Variants in ARHGEF38 observed in about 807,000 individuals in gnomAD.
ARHGEF38 encodes the protein Rho guanine nucleotide exchange factor 38, also known as Rho guanine nucleotide exchange factor (GEF) 38.
Under a neutral mutation model 79.9 loss-of-function variants are expected in ARHGEF38, and 79 were observed. The ratio of observed to expected loss-of-function variants is 0.99; its 90% confidence interval spans 0.82 to 1.19. The LOEUF (loss-of-function observed/expected upper bound fraction) is 1.19, where lower values mean the gene tolerates loss of function less well. ARHGEF38 is among the 50% of genes most tolerant of loss of function. The pLI is 0.00. For synonymous variants in ARHGEF38, 366 were observed against 328.3 expected, an observed-to-expected ratio of 1.11 and a Z score of -1.24; for missense variants, 962 against 907.2, an observed-to-expected ratio of 1.06 and a Z score of -0.78.
At chr4:105,590,110 G>GGAA (rs1727260831) in intron 2 of ARHGEF38, among the ~76,000 whole-genome samples, 1 of 136,338 alleles carries the variant, frequency 7.3e-6, no homozygotes, top group Non-Finnish European at 1.5e-5. Context: ...AAGGAAGGAA[G>GGAA]GAAGGAAGGA....
rs919259360 is a variant in ARHGEF38, at chr4:105,667,033, A to G, written c.1690-96A>G. 17 of 1,056,514 alleles carry G rather than the reference A, an allele frequency of 1.6e-5. No individual in the cohort carries two copies. In the Admixed American group the frequency reaches 3.5e-4, roughly 22 times the overall value. The allele number at this position is 1,056,514 out of a possible 1,614,324, so 65.4% of individuals were successfully genotyped here. A position where few individuals can be genotyped will look rare whatever the true frequency, so the allele number is the denominator to read the frequency against. On this transcript the variant is annotated intron_variant, in intron 11 of 13. Transcript: ENST00000420470. Reference sequence around the variant, plus strand: ...AATCCTCTAAAAATATATGACTCCTACGTTTTAAAAATCTCCAGGGAAAAA... The same window carrying G: ...AATCCTCTAAAAATATATGACTCCTGCGTTTTAAAAATCTCCAGGGAAAAA...
Position 105,630,342 on chromosome 4 carries a change from G to T in ARHGEF38, c.509-556G>T, listed in dbSNP as rs572015388. 7.2e-5 allele frequency among the ~76,000 whole-genome samples: 11 copies of T among 151,858 alleles called. No homozygotes were observed. The East Asian group carries it at 1.9e-3, about 27-fold the overall frequency. Reference sequence around the variant, plus strand: ...AGCTCGCTGCAACCTCTGCCTCCCGGGTTCAAGCGATTCTCCTGCCTCAGC... The same window carrying T: ...AGCTCGCTGCAACCTCTGCCTCCCGTGTTCAAGCGATTCTCCTGCCTCAGC... On this transcript the variant is annotated intron_variant, in intron 3 of 13. Transcript: ENST00000420470.
chr4:105,610,707 T>C (rs553211896), intron 2 of ARHGEF38, among the ~76,000 whole-genome samples: 1 of 152,066 alleles, frequency 6.6e-6, no homozygotes, highest in Non-Finnish European at 1.5e-5. Flanking sequence ...ATCAGGCCAA[T>C]TGATGTTTTA....
intron 10 of ARHGEF38, among the ~76,000 whole-genome samples, chr4:105,663,036 T>G (rs983015590): frequency 1.3e-5 from 2 of 152,182 alleles, no homozygotes; most frequent in African/African-American, 4.8e-5. Flanking sequence ...ATATTTAAAC[T>G]TTTTATTTTG....
At chr4:105,598,867 A>G (rs1322097450) in intron 2 of ARHGEF38, among the ~76,000 whole-genome samples, 1 of 152,134 alleles carries the variant, frequency 6.6e-6, no homozygotes, top group African/African-American at 2.4e-5. Context: ...TATGTGTTGG[A>G]GGTTAAAAAT....
intron 1 of ARHGEF38, among the ~76,000 whole-genome samples, chr4:105,576,565 T>A (rs1426406785): frequency 6.6e-6 from 1 of 152,020 alleles, no homozygotes; most frequent in Non-Finnish European, 1.5e-5. Context: ...AATCTAAGAG[T>A]CTTTTGAAGG....
At chr4:105,681,242 T>C (rs1731300494), downstream of ARHGEF38, among the ~76,000 whole-genome samples, 1 of 151,966 alleles carries the variant, frequency 6.6e-6, no homozygotes, top group Non-Finnish European at 1.5e-5. Flanking sequence ...TACAAATAAT[T>C]TAGCACCATT....
At chr4:105,637,963 G>A (rs1256722695) in intron 5 of ARHGEF38, among the ~76,000 whole-genome samples, 14 of 152,260 alleles carry the variant, frequency 9.2e-5, no homozygotes, top group Non-Finnish European at 1.5e-4. Flanking sequence ...ATCCCAGCAT[G>A]TGGCTGGATG....
rs554802680 is a variant in ARHGEF38, at chr4:105,667,701, C to G, written c.2146C>G (p.Gln716Glu). 2 of 1,536,064 alleles carry G rather than the reference C, an allele frequency of 1.3e-6. No homozygotes were observed. Among genetic ancestry groups the G allele is most frequent in the East Asian group, 4.9e-5 (2 of 40,910 alleles). The change falls in exon 13 of 14, where the codon CAG (glutamine) becomes GAG (glutamate). Residue 716 changes from glutamine to glutamate, a missense_variant and splice_region_variant. Transcript: ENST00000420470. ...TGACAGTTTTCAAGAAGTAGACGAA[C>G]AGGTAAAAATTTGATGTAAAAATAT... is the stretch of plus-strand genomic sequence containing the variant. Reference protein sequence around the residue: ...DVDSFQEVDEQIFYAVHAFQA... With the variant: ...DVDSFQEVDEEIFYAVHAFQA...
chr4:105,574,521 G>A (rs540346612), intron 1 of ARHGEF38, among the ~76,000 whole-genome samples: 10 of 143,576 alleles, frequency 7.0e-5, no homozygotes, highest in South Asian at 4.4e-4. Context: ...TTGCACTCCC[G>A]CCTGGGTGAC....
chr4:105,555,793 C>T (rs1207223536), intron 1 of ARHGEF38, among the ~76,000 whole-genome samples: 3 of 152,176 alleles, frequency 2.0e-5, no homozygotes, highest in South Asian at 2.1e-4. Flanking sequence ...CTCTGGGTTC[C>T]GTAAAATGTA....
intron 2 of ARHGEF38, among the ~76,000 whole-genome samples, chr4:105,611,757 T>C (rs7657834): frequency 0.011 from 1,705 of 152,198 alleles, 31 homozygotes; most frequent in African/African-American, 0.038. Context: ...ATTAAAGACC[T>C]TAAGAACTAA....
chr4:105,627,802 A>G (rs183707634), intron 3 of ARHGEF38, among the ~76,000 whole-genome samples: 1 of 152,276 alleles, frequency 6.6e-6, no homozygotes, highest in African/African-American at 2.4e-5. Context: ...GCCGAGAGTT[A>G]TGTTACCGTG....
At chr4:105,644,409 A>G (rs1246783206) in intron 5 of ARHGEF38, among the ~76,000 whole-genome samples, 5 of 152,192 alleles carry the variant, frequency 3.3e-5, no homozygotes, top group Non-Finnish European at 5.9e-5. Context: ...TGAATGATCA[A>G]TGAGAGTGGG....
intron 5 of ARHGEF38, among the ~76,000 whole-genome samples, chr4:105,637,245 A>G (rs914397532): frequency 6.6e-6 from 1 of 152,138 alleles, no homozygotes; most frequent in African/African-American, 2.4e-5. Context: ...TCTGTCATTC[A>G]TATTTTGGTG....
At chr4:105,554,503 G>A (rs183368040) in intron 1 of ARHGEF38, among the ~76,000 whole-genome samples, 19 of 152,236 alleles carry the variant, frequency 1.2e-4, no homozygotes, top group Admixed American at 9.8e-4. Context: ...AATGGCCTCC[G>A]GTTGTATCCA....
intron 8 of ARHGEF38, among the ~76,000 whole-genome samples, chr4:105,654,689 G>T (rs1271267690): frequency 6.6e-6 from 1 of 152,126 alleles, no homozygotes; most frequent in African/African-American, 2.4e-5. Context: ...GACCCTTTGA[G>T]AATCACTGAT....
chr4:105,631,653 T>A (rs1031285196), intron 4 of ARHGEF38: 2 of 984,378 alleles, frequency 2.0e-6, no homozygotes, highest in African/African-American at 3.5e-5. Context: ...ACAAAGTATG[T>A]GTAAGATAAA....
intron 11 of ARHGEF38, 136 bp from the exon 12 acceptor site, chr4:105,666,993 C>G (rs1730774376): frequency 1.3e-6 from 1 of 766,188 alleles, no homozygotes; most frequent in Admixed American, 2.9e-5. Context: ...CTGCTCTATG[C>G]CTGCACCTTG....
Sources: gnomAD v4.1 joint callset for allele counts (sites outside exome capture counted in the v4.1 genomes callset) on GRCh38, gnomAD v4.1.1 for gene constraint, MANE v1.5 for transcripts, NCBI Gene and HGNC (gene_info 2026-07-23, HGNC 2026-07-21) for gene names.